Variants in KIAA0825 observed in about 807,000 individuals in gnomAD.
KIAA0825 encodes the protein KIAA0825.
In KIAA0825, 119 loss-of-function variants were observed where a neutral mutation model predicts 147.6. That is an observed-to-expected ratio of 0.81 (90% CI 0.69 to 0.94). The LOEUF (loss-of-function observed/expected upper bound fraction) is 0.94. KIAA0825 is among the 40% of genes least tolerant of loss of function. KIAA0825 has a pLI of 0.00. For synonymous variants in KIAA0825, 470 were observed against 518.1 expected, an observed-to-expected ratio of 0.91 and a Z score of 1.26; for missense variants, 1,381 against 1,472.7, an observed-to-expected ratio of 0.94 and a Z score of 1.02.
Position 94,416,860 on chromosome 5 carries a change from T to C in KIAA0825, c.2662+341A>G, listed in dbSNP as rs777845627. 6.4e-4 allele frequency: 119 copies of C among 187,192 alleles called. 2 individuals are homozygous for C. The highest frequency in any genetic ancestry group is 6.9e-4 in the Admixed American group (13 of 18,836). 11.6% of individuals were successfully genotyped at this position (187,192 alleles called of 1,614,324 possible). The stretch of plus-strand genomic sequence containing the variant: ...ATAAATGCACCCAAGAATCACAAAA[T>C]ACTTTTCACATCTTACTAATATCTT... On this transcript the variant is annotated intron_variant, in intron 15 of 20. Coordinates refer to ENST00000682413, the MANE Select transcript of KIAA0825 (RefSeq NM_001145678.3).
intron 20 of KIAA0825, among the ~76,000 whole-genome samples, chr5:94,278,843 A>AC (rs56162225): frequency 0.91 from 138,484 of 152,128 alleles, 63,097 homozygotes; most frequent in Middle Eastern, 0.93. Context: ...ACTTTCCTAA[A>AC]TTTCAATTCT....
chr5:94,411,984 T>C (rs1039186357), intron 15 of KIAA0825, among the ~76,000 whole-genome samples: 7 of 151,658 alleles, frequency 4.6e-5, no homozygotes, highest in Non-Finnish European at 7.4e-5. Flanking sequence ...TCATCAAAAT[T>C]ATAAACCTCA....
chr5:94,303,963 AATG>A (rs1778561727), intron 20 of KIAA0825, among the ~76,000 whole-genome samples: 1 of 152,070 alleles, frequency 6.6e-6, no homozygotes, highest in Admixed American at 6.6e-5. Context: ...TCATTTTTTG[AATG>A]ATAATCATTA....
In KIAA0825 at chr5:94,229,043, A is replaced by C. The variant is rs549734897; in HGVS notation, c.3711-74919T>G. 2.0e-5 allele frequency among the ~76,000 whole-genome samples: 3 copies of C among 152,240 alleles called. No individual in the cohort carries two copies. In the East Asian group the frequency reaches 5.8e-4, roughly 29 times the overall value. On this transcript the variant is annotated intron_variant, in intron 20 of 20. Transcript: ENST00000682413. ...CTTTTGGGACTTGGAGATTTCCTGT[A>C]ACCTTTAATCCAGACTGTCTAGACC... is the stretch of plus-strand genomic sequence containing the variant.
chr5:94,592,568 C>T (rs1191157961), intron 1 of KIAA0825, among the ~76,000 whole-genome samples: 1 of 152,166 alleles, frequency 6.6e-6, no homozygotes, highest in Non-Finnish European at 1.5e-5. Flanking sequence ...GACTTCTGAT[C>T]TCTCATAACC....
chr5:94,486,123 T>C (rs1263456009), intron 5 of KIAA0825, among the ~76,000 whole-genome samples: 12 of 152,096 alleles, frequency 7.9e-5, no homozygotes, highest in Non-Finnish European at 1.5e-4. Context: ...TTTGACCAAG[T>C]TTTAAAGGAT....
At chr5:94,472,164 C>G (rs886868813) in intron 8 of KIAA0825, among the ~76,000 whole-genome samples, 1 of 152,050 alleles carries the variant, frequency 6.6e-6, no homozygotes, top group Non-Finnish European at 1.5e-5. Flanking sequence ...AAATTAAATG[C>G]CACATATAAA....
In KIAA0825 at chr5:94,384,432, C is replaced by T; in HGVS notation, c.3646G>A (p.Ala1216Thr). ...VSITKWNWNW[A>T]KLLPNYLRLD... ...CTCAGATAATTTGGCAGCAACTTTG[C>T]CCAATTCCAGTTCCATTTTGTGATG... The change falls in exon 20 of 21, where the codon GCA becomes ACA. Residue 1216 changes from alanine to threonine, a missense_variant. Transcript: ENST00000682413. 2.6e-6 allele frequency: 4 copies of T among 1,551,818 alleles called. No homozygotes were observed. Among genetic ancestry groups the T allele is most frequent in the Non-Finnish European group, 3.5e-6 (4 of 1,146,898 alleles).
At chr5:94,240,240 C>T (rs919913708) in intron 20 of KIAA0825, among the ~76,000 whole-genome samples, 1 of 152,310 alleles carries the variant, frequency 6.6e-6, no homozygotes, top group Non-Finnish European at 1.5e-5. Flanking sequence ...GCTTGGAAAG[C>T]CAGCAAATAA....
chr5:94,473,564 A>C, intron 7 of KIAA0825, 45 bp from the exon 8 acceptor site: 1 of 1,178,322 alleles, frequency 8.5e-7, no homozygotes, highest in Non-Finnish European at 1.2e-6. Flanking sequence ...TTAACTCAGC[A>C]ACAAATGTTT....
At chr5:94,593,594 T>C in intron 1 of KIAA0825, 1 of 529,872 alleles carries the variant, frequency 1.9e-6, no homozygotes, top group Non-Finnish European at 3.6e-6. Context: ...TCAACTATGT[T>C]ATTGATGTCA....
intron 16 of KIAA0825, among the ~76,000 whole-genome samples, chr5:94,401,155 A>T (rs1241964880): frequency 6.6e-6 from 1 of 152,124 alleles, no homozygotes; most frequent in Non-Finnish European, 1.5e-5. Context: ...CAAACTAGCT[A>T]ATATCTTAAG....
At chr5:94,555,428 A>T (rs528169604) in intron 2 of KIAA0825, among the ~76,000 whole-genome samples, 1 of 152,272 alleles carries the variant, frequency 6.6e-6, no homozygotes, top group African/African-American at 2.4e-5. Flanking sequence ...TACTATAATT[A>T]TGTAAACTAG....
intron 14 of KIAA0825, among the ~76,000 whole-genome samples, chr5:94,438,585 G>A (rs1485340275): frequency 6.6e-6 from 1 of 151,994 alleles, no homozygotes; most frequent in Non-Finnish European, 1.5e-5. Context: ...GGCCTGAGGA[G>A]TTGTGATGAC....
intron 20 of KIAA0825, among the ~76,000 whole-genome samples, chr5:94,161,236 G>C (rs571748164): frequency 2.6e-5 from 4 of 152,320 alleles, no homozygotes; most frequent in Non-Finnish European, 5.9e-5. Flanking sequence ...CCTGCCTAGA[G>C]AGTTTAAAGT....
intron 20 of KIAA0825, among the ~76,000 whole-genome samples, chr5:94,217,888 A>C (rs778487774): frequency 6.6e-6 from 1 of 152,170 alleles, no homozygotes; most frequent in Non-Finnish European, 1.5e-5. Context: ...GGAATGCTGC[A>C]AACGTCTCAA....
intron 3 of KIAA0825, among the ~76,000 whole-genome samples, chr5:94,530,080 G>A (rs1770463324): frequency 6.6e-6 from 1 of 151,978 alleles, no homozygotes; most frequent in African/African-American, 2.4e-5. Flanking sequence ...AGACCAGCCT[G>A]ACCAACATGG....
chr5:94,493,337 G>T (rs1211396478), intron 5 of KIAA0825, among the ~76,000 whole-genome samples: 3 of 152,148 alleles, frequency 2.0e-5, no homozygotes, highest in Non-Finnish European at 4.4e-5. Flanking sequence ...AAGGTGATGT[G>T]ATATACTGAA....
intron 2 of KIAA0825, among the ~76,000 whole-genome samples, chr5:94,545,972 G>T (rs761469644): frequency 1.3e-5 from 2 of 152,204 alleles, no homozygotes; most frequent in Non-Finnish European, 2.9e-5. Context: ...TGGGCCAGAT[G>T]GGAGTCCACT....
Sources: gnomAD v4.1 joint callset for allele counts (sites outside exome capture counted in the v4.1 genomes callset) on GRCh38, gnomAD v4.1.1 for gene constraint, MANE v1.5 for transcripts, NCBI Gene and HGNC (gene_info 2026-07-23, HGNC 2026-07-21) for gene names.